CFAP44: variants seen among roughly 807,000 people sequenced by gnomAD.
The protein encoded by CFAP44 is cilia and flagella associated protein 44.
CFAP44 carries 134 observed loss-of-function variants against 216.2 expected under a neutral mutation model. The ratio of observed to expected loss-of-function variants is 0.62; its 90% CI spans 0.54 to 0.72. CFAP44 has a LOEUF of 0.72. Among genes scored for constraint, CFAP44 ranks in the 30% least tolerant of loss-of-function variants. The pLI is 0.00. For synonymous variants in CFAP44, 700 were observed against 727.6 expected (o/e 0.96, Z 0.61); for missense variants, 2,035 against 2,182.1 (o/e 0.93, Z 1.34).
intron 8 of CFAP44, among the ~76,000 whole-genome samples, chr3:113,406,300 A>G (rs1482877797): frequency 1.3e-5 from 2 of 152,204 alleles, no homozygotes; most frequent in Non-Finnish European, 2.9e-5. Context: ...GTCTTCTTGG[A>G]TCACGATAGC....
At chr3:113,375,073 A>G (rs1307377842) in intron 17 of CFAP44, among the ~76,000 whole-genome samples, 1 of 152,226 alleles carries the variant, frequency 6.6e-6, no homozygotes, top group Non-Finnish European at 1.5e-5. Flanking sequence ...CAAGTGAAAC[A>G]AGCCAGTCAT....
At chr3:113,382,080 A>G (rs990990935) in intron 15 of CFAP44, among the ~76,000 whole-genome samples, 13 of 152,318 alleles carry the variant, frequency 8.5e-5, no homozygotes, top group African/African-American at 3.1e-4. Context: ...GTCCTGTGGA[A>G]CATTTGCTTT....
At chr3:113,293,284 T>G (rs541375996) in intron 34 of CFAP44, among the ~76,000 whole-genome samples, 3 of 152,220 alleles carry the variant, frequency 2.0e-5, no homozygotes, top group Non-Finnish European at 4.4e-5. Context: ...TGTCACCAAC[T>G]ATATCCCAAT....
chr3:113,374,800 A>T (rs1006470783), intron 17 of CFAP44, among the ~76,000 whole-genome samples: 2 of 151,970 alleles, frequency 1.3e-5, no homozygotes, highest in Non-Finnish European at 1.5e-5. Flanking sequence ...CCGTCCACCT[A>T]ATTTTTTCTA....
rs572220625 is a variant in CFAP44 at position 113,441,489 on chromosome 3, C to G, written c.-42G>C. The G allele has an allele frequency of 1.0e-6, 1 of 985,376 alleles. No homozygotes were observed. Among genetic ancestry groups the G allele is most frequent in the African/African-American group, 1.7e-5 (1 of 57,236 alleles). 61.0% of individuals were successfully genotyped at this position (985,376 alleles called of 1,614,324 possible). A position where few individuals can be genotyped will look rare whatever the true frequency, so the allele number is the denominator to read the frequency against. On this transcript the variant is annotated 5_prime_UTR_variant, in exon 1 of 35. Coordinates refer to ENST00000393845, the MANE Select transcript of CFAP44 (RefSeq NM_001164496.2). ...ACCGCCGCGGCTCCTCTCTTCACAGCGTCTGCCGGAGGCCTCCGTTTACTC... is the reference window on the plus strand; with the variant it reads ...ACCGCCGCGGCTCCTCTCTTCACAGGGTCTGCCGGAGGCCTCCGTTTACTC...
At chr3:113,360,258 C>T (rs1950526198) in intron 21 of CFAP44, 1 of 168,352 alleles carries the variant, frequency 5.9e-6, no homozygotes, top group Admixed American at 5.7e-5. Context: ...CACTCTTAGA[C>T]ATGGCCATGT....
intron 5 of CFAP44, 107 bp downstream of exon 5, chr3:113,419,910 C>A (rs1046568872): frequency 2.1e-5 from 25 of 1,188,746 alleles, no homozygotes; most frequent in Non-Finnish European, 2.8e-5. Context: ...TGTGAACCCA[C>A]AATACTGTGC....
intron 22 of CFAP44, among the ~76,000 whole-genome samples, chr3:113,350,152 G>A (rs1427615527): frequency 6.6e-6 from 1 of 151,796 alleles, no homozygotes; most frequent in African/African-American, 2.4e-5. Context: ...GCTGGCAGAG[G>A]CAGAGAAAGA....
Position 113,291,655 on chromosome 3 carries a change from A to C in CFAP44, c.5467T>G (p.Leu1823Val). The C allele has an allele frequency of 6.5e-7, 1 of 1,537,404 alleles. No individual in the cohort carries two copies. Among genetic ancestry groups the C allele is most frequent in the African/African-American group, 1.4e-5 (1 of 73,150 alleles). Residue 1823 changes from leucine (L) to valine (V), a missense_variant, in exon 35 of 35, where the codon TTA (leucine) becomes GTA (valine). This residue lies in a region of CFAP44 where 1,883 missense variants were observed against 2,023.7 expected (regional missense o/e 0.93). Transcript: ENST00000393845. ...IQLQAERISA[L>V]KEEIALLRRK... ...CGCAAAAGAGCAATCTCCTCCTTTA[A>C]GGCCGAAATCCTTTCCGCCTGGAGT...
At chr3:113,416,712 A>T in intron 5 of CFAP44, 85 bp from the exon 6 acceptor site, 2 of 956,972 alleles carry the variant, frequency 2.1e-6, no homozygotes, top group East Asian at 2.8e-5. Flanking sequence ...AGCATCCATT[A>T]TTTCATAATT....
rs147474342 is a variant in CFAP44, at chr3:113,312,923, G to A, written c.4517-4655C>T. On this transcript the variant is annotated intron_variant, in intron 28 of 34. Transcript: ENST00000393845. The stretch of plus-strand genomic sequence containing the variant: ...CAGGCAGAAGTTTGCTGCAGGGGTG[G>A]GGCACTCATGGAGAACCTCTGGGGC... 2.0e-3 allele frequency among the ~76,000 whole-genome samples: 303 copies of A among 152,278 alleles called. 4 individuals carry two copies. Among genetic ancestry groups the A allele is most frequent in the African/African-American group, 6.9e-3 (287 of 41,518 alleles).
At position 113,355,721 on chromosome 3, in the gene CFAP44, T is replaced by A. The variant is rs926919936; in HGVS notation, c.3065+3024A>T. 2.0e-5 allele frequency among the ~76,000 whole-genome samples: 3 copies of A among 151,964 alleles called. No individual in the cohort carries two copies. In the South Asian group the frequency reaches 6.3e-4, roughly 32 times the overall value. On this transcript the variant is annotated intron_variant, in intron 22 of 34. Transcript: ENST00000393845. ...AACCAACATGGCACATGTATACCTA[T>A]GTACCAAACCTGCAGGTTGTGCACC... is the stretch of plus-strand genomic sequence containing the variant.
At chr3:113,408,545 A>G (rs1301123141) in intron 7 of CFAP44, among the ~76,000 whole-genome samples, 3 of 152,228 alleles carry the variant, frequency 2.0e-5, no homozygotes, top group South Asian at 2.1e-4. Flanking sequence ...GGTGGAGCCT[A>G]TAAGAAGGCA....
In CFAP44 at chr3:113,289,799, A is replaced by G. The variant is rs1364363463; in HGVS notation, c.*1758T>C. On this transcript the variant is annotated 3_prime_UTR_variant, in exon 35 of 35. Coordinates refer to ENST00000393845, the MANE Select transcript of CFAP44 (RefSeq NM_001164496.2). ...TTGCTGTCTCCCTCACTCTTGGATC[A>G]CTTGCTCTGGGAGAAGTCATATCCC... 13 of 152,238 alleles carry G rather than the reference A, an allele frequency of 8.5e-5. No homozygotes were observed. The highest frequency in any genetic ancestry group is 6.5e-4 in the Admixed American group (10 of 15,280). 9.4% of individuals were successfully genotyped at this position (152,238 alleles called of 1,614,324 possible). A position where few individuals can be genotyped will look rare whatever the true frequency, so the allele number is the denominator to read the frequency against.
intron 22 of CFAP44, among the ~76,000 whole-genome samples, chr3:113,354,219 A>G (rs1163926764): frequency 6.6e-6 from 1 of 152,246 alleles, no homozygotes; most frequent in African/African-American, 2.4e-5. Context: ...ACAGAGCATC[A>G]TGTGGAGACT....
chr3:113,402,267 T>A (rs1461789772), intron 9 of CFAP44, among the ~76,000 whole-genome samples: 1 of 152,228 alleles, frequency 6.6e-6, no homozygotes, highest in Non-Finnish European at 1.5e-5. Flanking sequence ...CACTTTACTA[T>A]CTCATTGGGA....
chr3:113,334,033 C>T (rs1006855912), intron 24 of CFAP44, among the ~76,000 whole-genome samples: 4 of 151,084 alleles, frequency 2.6e-5, no homozygotes, highest in Non-Finnish European at 4.4e-5. Context: ...CTCACTACAA[C>T]CTCCACCTCC....
At chr3:113,372,687 T>C (rs1057487142) in intron 18 of CFAP44, among the ~76,000 whole-genome samples, 8 of 152,004 alleles carry the variant, frequency 5.3e-5, no homozygotes, top group Non-Finnish European at 1.0e-4. Flanking sequence ...ACGTAACAAA[T>C]GTGCACGTTG....
intron 28 of CFAP44, among the ~76,000 whole-genome samples, chr3:113,320,452 T>G (rs1471702554): frequency 6.2e-5 from 7 of 112,556 alleles, no homozygotes; most frequent in East Asian, 4.8e-4. Flanking sequence ...ATGATATATA[T>G]TACATCTATA....
Sources: allele counts gnomAD v4.1 joint callset (sites outside exome capture counted in the v4.1 genomes callset), GRCh38; gene constraint gnomAD v4.1.1; regional missense constraint gnomAD v4.1.1; transcripts MANE v1.5; gene names NCBI Gene and HGNC (gene_info 2026-07-23, HGNC 2026-07-21).